The following PPP2R2D variants were observed in gnomAD, a reference collection of about 807,000 sequenced individuals.
PPP2R2D encodes the protein protein phosphatase 2 regulatory subunit Bdelta.
Under a neutral mutation model 31.1 loss-of-function variants are expected in PPP2R2D, and 9 were observed. That is an observed-to-expected ratio of 0.29 (90% CI 0.17 to 0.51). The LOEUF (loss-of-function observed/expected upper bound fraction) is 0.51, where lower values mean the gene tolerates loss of function less well. Among genes scored for constraint, PPP2R2D ranks in the 20% least tolerant of loss-of-function variants. PPP2R2D has a pLI of 0.98. For synonymous variants in PPP2R2D, 179 were observed against 172.6 expected, an observed-to-expected ratio of 1.04 and a Z score of -0.29; for missense variants, 391 against 465.6, an observed-to-expected ratio of 0.84 and a Z score of 1.48.
Position 131,947,856 on chromosome 10 carries a change from T to C in PPP2R2D, c.1082+65T>C. ...CTGGTTTCCGAGAGTGCAAGGTCAG[T>C]GAGGGAGGCGAGCTGTCCTCCAGCG... On this transcript the variant is annotated intron_variant, in intron 8 of 8. Transcript: ENST00000455566. This position sits in a 1 kb window ranked among gnomAD's most constrained non-coding sequence, Gnocchi z 4.3. 1 of 1,578,586 alleles carries C rather than the reference T, an allele frequency of 6.3e-7. No homozygotes were observed. The highest frequency in any genetic ancestry group is 8.6e-7 in the Non-Finnish European group (1 of 1,157,672).
chr10:131,904,996 T>A (rs1191569556), intron 2 of PPP2R2D, among the ~76,000 whole-genome samples: 7 of 151,658 alleles, frequency 4.6e-5, no homozygotes, highest in Non-Finnish European at 1.0e-4. Context: ...CCTTTTTTTT[T>A]TAAAAGAATT....
intron 2 of PPP2R2D, chr10:131,911,521 G>T (rs1441731913): frequency 7.2e-5 from 11 of 152,358 alleles, no homozygotes; most frequent in African/African-American, 2.6e-4. Context: ...AAGCAAAACT[G>T]GCCTTTTTCC....
chr10:131,915,994 C>T (rs1222567065), intron 2 of PPP2R2D, among the ~76,000 whole-genome samples: 1 of 152,164 alleles, frequency 6.6e-6, no homozygotes, highest in Non-Finnish European at 1.5e-5. Context: ...AAGGCGTAAT[C>T]TATTTGGATT....
intron 2 of PPP2R2D, among the ~76,000 whole-genome samples, chr10:131,902,688 C>G (rs927110075): frequency 7.2e-5 from 11 of 152,194 alleles, no homozygotes; most frequent in African/African-American, 2.7e-4. Flanking sequence ...GCAAGTAAAG[C>G]AAAACTTGTT....
intron 2 of PPP2R2D, among the ~76,000 whole-genome samples, chr10:131,926,210 A>G (rs2036102384): frequency 1.3e-5 from 2 of 152,226 alleles, no homozygotes; most frequent in Admixed American, 6.5e-5. Flanking sequence ...GGTCTCGGAC[A>G]TAAATAGTTT....
chr10:131,913,321 G>A (rs1025309226), intron 2 of PPP2R2D, among the ~76,000 whole-genome samples: 11 of 151,672 alleles, frequency 7.3e-5, no homozygotes, highest in Admixed American at 4.6e-4. Context: ...GTGAGCCACC[G>A]CACCCAGCTT....
rs1057282149 is a variant in PPP2R2D, at chr10:131,909,109, G to A, written c.100+7779G>A. Among the ~76,000 whole-genome samples the A allele has an allele frequency of 6.7e-3, 1,015 of 152,316 alleles. 11 individuals carry two copies. Among genetic ancestry groups the A allele is most frequent in the African/African-American group, 0.024 (980 of 41,560 alleles). On this transcript the variant is annotated intron_variant, in intron 2 of 8. Transcript: ENST00000455566. The stretch of plus-strand genomic sequence containing the variant: ...TCAGGGTATAAGAAGAGGGAGGAAG[G>A]GAAGGGGAGGAGAATGTTCCAGGTG...
intron 3 of PPP2R2D, among the ~76,000 whole-genome samples, chr10:131,938,002 G>A (rs868976891): frequency 2.0e-5 from 3 of 151,530 alleles, no homozygotes; most frequent in Non-Finnish European, 2.9e-5. Context: ...TCAGTGCGGC[G>A]GACAGGGGCA....
intron 2 of PPP2R2D, among the ~76,000 whole-genome samples, chr10:131,929,340 C>T (rs2036166785): frequency 2.6e-5 from 4 of 152,154 alleles, no homozygotes; most frequent in South Asian, 2.1e-4. Flanking sequence ...CTTAGTGTTT[C>T]GTTCACTAAA....
chr10:131,909,580 G>A (rs2035650034), intron 2 of PPP2R2D, among the ~76,000 whole-genome samples: 1 of 152,214 alleles, frequency 6.6e-6, no homozygotes, highest in Admixed American at 6.5e-5. Flanking sequence ...CATAGACCCT[G>A]CAGAGATGGA....
chr10:131,922,737 C>T (rs1339684686), intron 2 of PPP2R2D, among the ~76,000 whole-genome samples: 1 of 152,016 alleles, frequency 6.6e-6, no homozygotes, highest in Non-Finnish European at 1.5e-5. Flanking sequence ...TGAGCTACTG[C>T]GCCCGGCCAT....
At chr10:131,946,884 A>G (rs2036552102) in intron 7 of PPP2R2D, among the ~76,000 whole-genome samples, 1 of 152,026 alleles carries the variant, frequency 6.6e-6, no homozygotes, top group African/African-American at 2.4e-5. Context: ...TTGTCACAGT[A>G]GAGCTTGTGT....
At chr10:131,929,299 T>C (rs1443488430) in intron 2 of PPP2R2D, among the ~76,000 whole-genome samples, 1 of 152,216 alleles carries the variant, frequency 6.6e-6, no homozygotes, top group Admixed American at 6.5e-5. Flanking sequence ...AATGCCATCG[T>C]GGGAACTGTG....
chr10:131,907,921 G>T (rs1172995175), intron 2 of PPP2R2D, among the ~76,000 whole-genome samples: 1 of 152,176 alleles, frequency 6.6e-6, no homozygotes, highest in African/African-American at 2.4e-5. Flanking sequence ...CTGCTGTTCT[G>T]ATGGGAAGTT....
At chr10:131,944,265 A>T in intron 6 of PPP2R2D, 120 bp downstream of exon 6, 16 of 746,950 alleles carry the variant, frequency 2.1e-5, no homozygotes, top group Non-Finnish European at 3.4e-5. Flanking sequence ...ATCACTGCAC[A>T]GCAGCCTGTG....
In PPP2R2D at chr10:131,901,343, C is replaced by T. The variant is rs1174447628; in HGVS notation, c.100+13C>T. ...GACGTGGCCGAAGGTGAGCCCCGCG[C>T]CGCGCCCCGCCCCGGGACCCTCGCG... On this transcript the variant is annotated intron_variant, in intron 2 of 8. Coordinates refer to ENST00000455566, the MANE Select transcript of PPP2R2D (RefSeq NM_018461.5). 4 of 356,818 alleles carry T rather than the reference C, an allele frequency of 1.1e-5. No individual in the cohort carries two copies. The highest frequency in any genetic ancestry group is 2.0e-5 in the Non-Finnish European group (4 of 198,978). 22.1% of individuals were successfully genotyped at this position (356,818 alleles called of 1,614,324 possible).
chr10:131,960,735 G>A (rs1396143836), downstream of PPP2R2D, among the ~76,000 whole-genome samples: 2 of 152,210 alleles, frequency 1.3e-5, no homozygotes, highest in Admixed American at 6.5e-5. Context: ...GAGGCTCTCC[G>A]GGTGGCCTTA....
intron 2 of PPP2R2D, among the ~76,000 whole-genome samples, chr10:131,905,017 A>G (rs1219692514): frequency 4.7e-5 from 7 of 148,554 alleles, no homozygotes; most frequent in South Asian, 4.4e-4. Context: ...GGGTTTAGCT[A>G]TGGGTCAGGT....
intron 5 of PPP2R2D, among the ~76,000 whole-genome samples, chr10:131,942,496 G>A (rs2119867847): frequency 6.6e-6 from 1 of 152,270 alleles, no homozygotes; most frequent in African/African-American, 2.4e-5. Flanking sequence ...GCCTAACTGG[G>A]TAAGAGTCAG....
Sources: gnomAD v4.1 joint callset for allele counts (sites outside exome capture counted in the v4.1 genomes callset) on GRCh38, gnomAD v4.1.1 for gene constraint, Gnocchi (gnomAD v3.1) non-coding constraint, MANE v1.5 for transcripts, NCBI Gene and HGNC (gene_info 2026-07-23, HGNC 2026-07-21) for gene names.